The following CHAC2 variants were observed in gnomAD, a reference collection of about 807,000 sequenced individuals.
The protein encoded by CHAC2 is glutathione-specific gamma-glutamylcyclotransferase 2.
CHAC2 carries 20 observed loss-of-function variants against 16.9 expected under a neutral mutation model. That is an observed-to-expected ratio of 1.18 (90% confidence interval 0.83 to 1.72). CHAC2 has a LOEUF of 1.72. CHAC2 is among the 40% of genes most tolerant of loss of function. CHAC2 has a pLI of 0.00. For missense variants in CHAC2, 269 were observed against 222.2 expected (o/e 1.21, Z -1.34); for synonymous variants, 91 against 77.3 (o/e 1.18, Z -0.93).
chr2:53,771,856 T>G (rs1673935712), intron 1 of CHAC2, 51 bp from the exon 2 acceptor site: 1 of 1,033,982 alleles, frequency 9.7e-7, no homozygotes, highest in Non-Finnish European at 1.5e-6. Flanking sequence ...GCTCAGCTAC[T>G]TAATGAACTT....
intron 2 of CHAC2, among the ~76,000 whole-genome samples, chr2:53,773,348 T>C (rs1674080006): frequency 6.6e-6 from 1 of 150,448 alleles, no homozygotes; most frequent in South Asian, 2.1e-4. Flanking sequence ...TTATTCACAA[T>C]GGAGATTTTA....
chr2:53,773,754 G>A (rs1674117832), intron 2 of CHAC2, among the ~76,000 whole-genome samples: 1 of 151,776 alleles, frequency 6.6e-6, no homozygotes. Context: ...ACAAGATACA[G>A]GCAGGCATGG....
chr2:53,773,564 G>A (rs565784469), intron 2 of CHAC2, among the ~76,000 whole-genome samples: 1 of 152,118 alleles, frequency 6.6e-6, no homozygotes, highest in Non-Finnish European at 1.5e-5. Context: ...CTGAGTAGCT[G>A]GGATTACAAG....
intron 2 of CHAC2, among the ~76,000 whole-genome samples, chr2:53,772,359 A>C (rs1673993421): frequency 6.6e-6 from 1 of 152,118 alleles, no homozygotes; most frequent in Admixed American, 6.5e-5. Flanking sequence ...TATTTTTAGT[A>C]GAGACGAGGT....
At chr2:53,768,054 C>CCCCCTGA in intron 1 of CHAC2, 33 bp downstream of exon 1, 1 of 1,607,494 alleles carries the variant, frequency 6.2e-7, no homozygotes, top group East Asian at 2.2e-5. Context: ...ACACTTACTG[C>CCCCCTGA]CCCCTGACCC....
intron 1 of CHAC2, among the ~76,000 whole-genome samples, chr2:53,771,347 T>C (rs2104145938): frequency 6.6e-6 from 1 of 152,240 alleles, no homozygotes; most frequent in Admixed American, 6.5e-5. Context: ...AACCCGTCTC[T>C]ACTAAAAATA....
Position 53,774,551 on chromosome 2 carries a change from G to A in CHAC2, c.*26G>A. ...TTTAGTCTTCAGAGAATTAACTTCA[G>A]TGCACAATGACAATATGATTTGGAA... On this transcript the variant is annotated 3_prime_UTR_variant, in exon 3 of 3. Transcript: ENST00000295304. 3 of 1,465,844 alleles carry A rather than the reference G, an allele frequency of 2.0e-6. No homozygotes were observed. Among genetic ancestry groups the A allele is most frequent in the Non-Finnish European group, 2.7e-6 (3 of 1,095,336 alleles). 90.8% of individuals were successfully genotyped at this position (1,465,844 alleles called of 1,614,324 possible). A position where few individuals can be genotyped will look rare whatever the true frequency, so the allele number is the denominator to read the frequency against.
At chr2:53,772,084 T>G (rs117673223) in intron 2 of CHAC2, 142 bp downstream of exon 2, 15 of 576,768 alleles carry the variant, frequency 2.6e-5, no homozygotes, top group East Asian at 9.5e-5. Flanking sequence ...TGGGTTTTTT[T>G]TGTGTTTGTG....
At position 53,774,490 on chromosome 2, in the gene CHAC2, C is replaced by T. The variant is rs769005275; in HGVS notation, c.520C>T (p.Arg174Cys). The change falls in exon 3 of 3, where the codon CGT (arginine) becomes TGT (cysteine). Residue 174 changes from arginine to cysteine, a missense_variant. Arg to Cys is a radical substitution (Grantham distance 180). Coordinates refer to ENST00000295304, the MANE Select transcript of CHAC2 (RefSeq NM_001008708.4). ...LFALEKLVKE[R>C]LEGKQNLNCI ...CGCTTTGGAAAAATTAGTAAAGGAA[C>T]GTTTAGAAGGGAAACAGAACCTCAA... 8 of 1,570,376 alleles carry T rather than the reference C, an allele frequency of 5.1e-6. No individual in the cohort carries two copies. In the South Asian group the frequency reaches 6.1e-5, roughly 12 times the overall value.
At position 53,774,354 on chromosome 2, in the gene CHAC2, T is replaced by C. The variant is rs1367788580; in HGVS notation, c.384T>C (p.Ala128=). The change falls in exon 3 of 3, where the codon GCT becomes GCC. Residue 128 remains alanine (A), a synonymous_variant. Transcript: ENST00000295304. ...YLGPAPLEDI[A]EQIFNAAGPS... is the part of the protein sequence containing the mutation. Reference sequence around the variant, plus strand: ...GTCCTGCACCTCTGGAAGACATTGCTGAACAAATTTTTAATGCAGCTGGTC... The same window carrying C: ...GTCCTGCACCTCTGGAAGACATTGCCGAACAAATTTTTAATGCAGCTGGTC... The C allele has an allele frequency of 6.2e-7, 1 of 1,613,358 alleles. No homozygotes were observed. Among genetic ancestry groups the C allele is most frequent in the Admixed American group, 1.7e-5 (1 of 59,868 alleles).
At chr2:53,772,380 T>C (rs753807737) in intron 2 of CHAC2, among the ~76,000 whole-genome samples, 1 of 152,330 alleles carries the variant, frequency 6.6e-6, no homozygotes, top group East Asian at 1.9e-4. Context: ...TTCACCGTGT[T>C]AGCCAGGATG....
intron 2 of CHAC2, among the ~76,000 whole-genome samples, chr2:53,772,390 G>A (rs1014548915): frequency 1.3e-5 from 2 of 152,116 alleles, no homozygotes; most frequent in Non-Finnish European, 2.9e-5. Context: ...TAGCCAGGAT[G>A]GTCTCAATCT....
intron 2 of CHAC2, among the ~76,000 whole-genome samples, chr2:53,773,209 T>C (rs1157945247): frequency 6.6e-6 from 1 of 152,182 alleles, no homozygotes; most frequent in Non-Finnish European, 1.5e-5. Context: ...ACTTTGTTTC[T>C]AGAATTTTTT....
intron 1 of CHAC2, among the ~76,000 whole-genome samples, chr2:53,770,501 A>T (rs1261337641): frequency 1.4e-4 from 10 of 69,662 alleles, no homozygotes; most frequent in Admixed American, 2.7e-4. Flanking sequence ...GTTTATTTAA[A>T]AAAAAAAAAA....
At chr2:53,772,673 G>T (rs1032647448) in intron 2 of CHAC2, among the ~76,000 whole-genome samples, 1 of 151,742 alleles carries the variant, frequency 6.6e-6, no homozygotes, top group Admixed American at 6.6e-5. Flanking sequence ...TTGCTTAATT[G>T]TATCAATAGC....
chr2:53,768,180 CCCG>C (rs1673627938), intron 1 of CHAC2, 159 bp downstream of exon 1: 1 of 824,714 alleles, frequency 1.2e-6, no homozygotes, highest in African/African-American at 1.7e-5. Context: ...CTGCCACCTG[CCCG>C]CCATCTCTAA....
chr2:53,773,299 T>A (rs1674074990), intron 2 of CHAC2, among the ~76,000 whole-genome samples: 1 of 150,270 alleles, frequency 6.7e-6, no homozygotes, highest in Non-Finnish European at 1.5e-5. Context: ...AAAATTTTTT[T>A]AAGATAAAAT....
At chr2:53,768,353 A>C (rs1159275764) in intron 1 of CHAC2, 1 of 227,956 alleles carries the variant, frequency 4.4e-6, no homozygotes, top group Non-Finnish European at 8.5e-6. Flanking sequence ...AAAAAGTCCC[A>C]TTGGCGGGAA....
At chr2:53,772,729 CATGTGCAGG>C (rs914314141) in intron 2 of CHAC2, among the ~76,000 whole-genome samples, 19 of 152,254 alleles carry the variant, frequency 1.2e-4, no homozygotes, top group African/African-American at 4.3e-4. Flanking sequence ...TTCAGGAGTA[CATGTGCAGG>C]ATGTGCAAGT....
Sources: gnomAD v4.1 joint callset for allele counts (sites outside exome capture counted in the v4.1 genomes callset) on GRCh38, gnomAD v4.1.1 for gene constraint, MANE v1.5 for transcripts, NCBI Gene and HGNC (gene_info 2026-07-23, HGNC 2026-07-21) for gene names.